Variants in ASTN2 observed in about 807,000 individuals in gnomAD.
ASTN2 encodes astrotactin-2.
A neutral mutation model predicts 139.8 loss-of-function variants in ASTN2; 54 were observed. The observed-to-expected ratio is 0.39, with a 90% confidence interval of 0.31 to 0.48. The LOEUF is 0.48. Ranked by LOEUF, ASTN2 falls within the 20% of genes least tolerant of loss-of-function variation. The pLI is 0.95. For synonymous variants in ASTN2, 756 were observed against 719.5 expected (o/e 1.05, Z -0.81); for missense variants, 1,565 against 1,725.1 (o/e 0.91, Z 1.64).
At chr9:117,184,825 C>G (rs777001182) in intron 3 of ASTN2, among the ~76,000 whole-genome samples, 1 of 152,162 alleles carries the variant, frequency 6.6e-6, no homozygotes, top group South Asian at 2.1e-4. Context: ...GTTCATGATA[C>G]AGATGGGAAG....
chr9:117,402,839 A>G (rs1830874440), intron 1 of ASTN2, among the ~76,000 whole-genome samples: 1 of 152,136 alleles, frequency 6.6e-6, no homozygotes, highest in African/African-American at 2.4e-5. Flanking sequence ...AGAAAACCTA[A>G]GCCCAAGAGG....
intron 13 of ASTN2, among the ~76,000 whole-genome samples, chr9:116,734,375 A>G (rs1274154842): frequency 6.6e-6 from 1 of 152,152 alleles, no homozygotes; most frequent in African/African-American, 2.4e-5. Context: ...CTTCTAGACA[A>G]TAGACCTGCC....
intron 3 of ASTN2, among the ~76,000 whole-genome samples, chr9:117,154,805 A>C (rs1326760204): frequency 6.6e-6 from 1 of 152,062 alleles, no homozygotes; most frequent in African/African-American, 2.4e-5. Flanking sequence ...TGAGCCTCTC[A>C]GTTGTCCTTT....
intron 19 of ASTN2, among the ~76,000 whole-genome samples, chr9:116,510,452 GTTT>G (rs925443970): frequency 6.6e-6 from 1 of 152,014 alleles, no homozygotes; most frequent in Non-Finnish European, 1.5e-5. Context: ...CTCCAGCTTT[GTTT>G]TTTTGCTTAG....
At chr9:116,911,381 C>A (rs1410889617) in intron 10 of ASTN2, among the ~76,000 whole-genome samples, 1 of 151,966 alleles carries the variant, frequency 6.6e-6, no homozygotes, top group Non-Finnish European at 1.5e-5. Context: ...AAGGTCATGA[C>A]AAACAAATGA....
chr9:116,473,696 G>A (rs1245339835), intron 20 of ASTN2, among the ~76,000 whole-genome samples: 1 of 152,122 alleles, frequency 6.6e-6, no homozygotes, highest in African/African-American at 2.4e-5. Flanking sequence ...TCAGGAGTTC[G>A]AGACCAGCCC....
chr9:117,285,157 TA>T (rs1313504325), intron 2 of ASTN2, among the ~76,000 whole-genome samples: 1 of 152,218 alleles, frequency 6.6e-6, no homozygotes, highest in African/African-American at 2.4e-5. Flanking sequence ...TCTCGCCCAG[TA>T]CCTCTAGAAT....
chr9:116,699,871 C>T lies in ASTN2; in HGVS notation c.2806+25900G>A. On this transcript the variant is annotated intron_variant, in intron 16 of 22. Transcript: ENST00000313400. The surrounding 1 kb of genome is among the most constrained non-coding windows in gnomAD (Gnocchi z 4.2). ...TTTTAATGTTTTTATTTGTTATGTCCCCCTCCCCGCTTCCCACCTAAATTT... is the reference window on the plus strand; with the variant it reads ...TTTTAATGTTTTTATTTGTTATGTCTCCCTCCCCGCTTCCCACCTAAATTT... 1 of 888,916 alleles carries T rather than the reference C, an allele frequency of 1.1e-6. No individual in the cohort carries two copies. The highest frequency in any genetic ancestry group is 1.7e-6 in the Non-Finnish European group (1 of 579,526). 55.1% of individuals were successfully genotyped at this position (888,916 alleles called of 1,614,324 possible).
intron 12 of ASTN2, among the ~76,000 whole-genome samples, chr9:116,815,860 G>T (rs1198130638): frequency 7.1e-6 from 1 of 141,544 alleles, no homozygotes; most frequent in African/African-American, 2.6e-5. Context: ...CTCTTACATA[G>T]GAATATATGA....
At chr9:117,003,898 C>T (rs1174026409) in intron 7 of ASTN2, among the ~76,000 whole-genome samples, 2 of 150,274 alleles carry the variant, frequency 1.3e-5, no homozygotes, top group Non-Finnish European at 3.0e-5. Context: ...AAGGGCTTAC[C>T]TGGCTTTTGG....
intron 5 of ASTN2, among the ~76,000 whole-genome samples, chr9:117,088,461 T>C (rs1041259062): frequency 1.1e-4 from 17 of 152,286 alleles, no homozygotes; most frequent in African/African-American, 3.8e-4. Flanking sequence ...TCTGCAGATA[T>C]GACTTGAACT....
intron 1 of ASTN2, among the ~76,000 whole-genome samples, chr9:117,322,316 G>A (rs1564145616): frequency 6.6e-6 from 1 of 152,240 alleles, no homozygotes; most frequent in East Asian, 1.9e-4. Flanking sequence ...TTAACACCGT[G>A]CCCTAGCACT....
chr9:116,906,976 G>C (rs563156732), intron 10 of ASTN2, among the ~76,000 whole-genome samples: 1 of 152,158 alleles, frequency 6.6e-6, no homozygotes, highest in African/African-American at 2.4e-5. Context: ...TTATCTTACA[G>C]TAACAATTGC....
chr9:117,106,568 TA>T (rs1829109369), intron 4 of ASTN2, among the ~76,000 whole-genome samples: 1 of 152,316 alleles, frequency 6.6e-6, no homozygotes, highest in Non-Finnish European at 1.5e-5. Flanking sequence ...TTTTGAATTA[TA>T]AAGTCAGTAC....
chr9:116,717,738 T>A (rs1195967487), intron 16 of ASTN2, among the ~76,000 whole-genome samples: 1 of 152,202 alleles, frequency 6.6e-6, no homozygotes, highest in Admixed American at 6.5e-5. Flanking sequence ...AAGTCAGTGC[T>A]TTCAAATTTT....
At chr9:116,912,207 C>A (rs1834330298) in intron 10 of ASTN2, among the ~76,000 whole-genome samples, 1 of 152,248 alleles carries the variant, frequency 6.6e-6, no homozygotes, top group Non-Finnish European at 1.5e-5. Context: ...TGAATCCATG[C>A]AAACATTGGC....
chr9:117,096,121 G>A lies in ASTN2; in HGVS notation c.1199C>T (p.Thr400Met), dbSNP rs143162948. Reference sequence around the variant, plus strand: ...TTCATCGTCTGCCTCTGAGCCCGACGTCCCCTTGGCTCTCCCAAAGCTGAT... The same window carrying A: ...TTCATCGTCTGCCTCTGAGCCCGACATCCCCTTGGCTCTCCCAAAGCTGAT... ...GGISFGRAKG[T>M]SGSEADDETQ... is the part of the protein sequence containing the mutation. The change falls in exon 5 of 23, where the codon ACG becomes ATG. Residue 400 changes from threonine (T) to methionine (M), a missense_variant. Thr to Met is a moderately conservative substitution (Grantham distance 81, BLOSUM62 -1). This residue lies in a region of ASTN2 where 596 missense variants were observed against 576.8 expected (regional missense o/e 1.03). Coordinates refer to ENST00000313400, the MANE Select transcript of ASTN2 (RefSeq NM_001365068.1). 1.5e-5 allele frequency: 24 copies of A among 1,614,002 alleles called. No homozygotes were observed. The highest frequency in any genetic ancestry group is 2.2e-5 in the East Asian group (1 of 44,860).
intron 10 of ASTN2, among the ~76,000 whole-genome samples, chr9:116,876,162 G>A (rs1465941931): frequency 6.6e-6 from 1 of 152,108 alleles, no homozygotes; most frequent in Non-Finnish European, 1.5e-5. Context: ...ATATTAGCAC[G>A]AGTTTGGAAG....
At chr9:117,178,508 C>A (rs1025501180) in intron 3 of ASTN2, among the ~76,000 whole-genome samples, 1 of 152,128 alleles carries the variant, frequency 6.6e-6, no homozygotes. Context: ...ACAGGAGAGG[C>A]CAGCATAGAC....
Sources: gnomAD v4.1 joint callset for allele counts (sites outside exome capture counted in the v4.1 genomes callset) on GRCh38, gnomAD v4.1.1 for gene constraint, gnomAD v4.1.1 regional missense constraint, Gnocchi (gnomAD v3.1) non-coding constraint, MANE v1.5 for transcripts, NCBI Gene and HGNC (gene_info 2026-07-23, HGNC 2026-07-21) for gene names.